MGA: variants seen among roughly 807,000 people sequenced by gnomAD.
MGA encodes the protein MAX dimerization protein MGA.
A neutral mutation model predicts 261.1 loss-of-function variants in MGA; 40 were observed. The ratio of observed to expected loss-of-function variants is 0.15; its 90% CI spans 0.12 to 0.20. MGA has a LOEUF of 0.20. Ranked by LOEUF, MGA falls within the 10% of genes least tolerant of loss-of-function variation. The pLI is 1.00. For synonymous variants in MGA, 1,302 were observed against 1,290.6 expected, an observed-to-expected ratio of 1.01 and a Z score of -0.19; for missense variants, 3,397 against 3,630.5, an observed-to-expected ratio of 0.94 and a Z score of 1.65.
upstream of MGA, among the ~76,000 whole-genome samples, chr15:41,657,242 G>C (rs1210880754): frequency 6.6e-6 from 1 of 151,084 alleles, no homozygotes; most frequent in Non-Finnish European, 1.5e-5. Context: ...CTTGATTTCA[G>C]TTGTAGTACT....
Position 41,694,676 on chromosome 15 carries a change from G to A in MGA, c.1065-1399G>A, listed in dbSNP as rs369116791. On this transcript the variant is annotated intron_variant, in intron 2 of 23. Coordinates refer to ENST00000219905, the MANE Select transcript of MGA (RefSeq NM_001164273.2). ...CGAGTAGCTGGGACTACAGGCGCCC[G>A]CCACCACGCCCAGCTGATTTTTTGT... Among the ~76,000 whole-genome samples, 91 of 151,968 alleles carry A rather than the reference G, an allele frequency of 6.0e-4. 2 individuals carry two copies. The highest frequency in any genetic ancestry group is 2.1e-3 in the African/African-American group (86 of 41,452).
rs2062200306 is a variant in MGA, at chr15:41,742,952, T to G, written c.4992T>G (p.Thr1664=). ...CCACTGTGAACCTTACCAAAACCAC[T>G]GGGATAACTACCCCTGTGGCTTCAG... Residue 1664 remains threonine (T), a synonymous_variant, in exon 15 of 24, where the codon ACT becomes ACG. Coordinates refer to ENST00000219905, the MANE Select transcript of MGA (RefSeq NM_001164273.2). 6.2e-7 allele frequency: 1 copy of G among 1,613,882 alleles called. No homozygotes were observed. The highest frequency in any genetic ancestry group is 1.3e-5 in the African/African-American group (1 of 74,924).
At chr15:41,661,920 C>A (rs1203646378) in intron 1 of MGA, among the ~76,000 whole-genome samples, 1 of 152,052 alleles carries the variant, frequency 6.6e-6, no homozygotes. Flanking sequence ...GCCGGCGGCA[C>A]GTGATCTGTC....
chr15:41,644,404 C>A (rs893933515), intron 1 of MGA, among the ~76,000 whole-genome samples: 1 of 150,928 alleles, frequency 6.6e-6, no homozygotes, highest in Admixed American at 6.6e-5. Context: ...ATCTGTAATC[C>A]CAGCACTTAG....
At chr15:41,701,774 A>T (rs953712456) in intron 5 of MGA, among the ~76,000 whole-genome samples, 1 of 152,214 alleles carries the variant, frequency 6.6e-6, no homozygotes, top group African/African-American at 2.4e-5. Context: ...ACAGCCAAAC[A>T]AAAGGTGTCT....
chr15:41,701,018 A>G (rs2059823156), intron 5 of MGA, among the ~76,000 whole-genome samples: 1 of 152,258 alleles, frequency 6.6e-6, no homozygotes. Flanking sequence ...AAAAGTGTGC[A>G]GATCCCAGTC....
intron 14 of MGA, among the ~76,000 whole-genome samples, chr15:41,741,980 G>T (rs1269278569): frequency 6.6e-6 from 1 of 151,828 alleles, no homozygotes; most frequent in Non-Finnish European, 1.5e-5. Flanking sequence ...AAAGTGCTGG[G>T]ATTACAGGTG....
chr15:41,749,116 G>T lies in MGA; in HGVS notation c.5509G>T (p.Val1837Leu). 6.2e-7 allele frequency: 1 copy of T among 1,609,518 alleles called. No individual in the cohort carries two copies. The highest frequency in any genetic ancestry group is 8.5e-7 in the Non-Finnish European group (1 of 1,176,854). Residue 1837 changes from valine to leucine, a missense_variant, in exon 17 of 24, where the codon GTG becomes TTG. By Grantham distance (32) the Val-to-Leu change is conservative (BLOSUM62 1). Around this residue, in one of 9 missense-constraint regions of MGA, gnomAD observed 1,410 missense variants for 1,386.4 expected, o/e 1.02. Coordinates refer to ENST00000219905, the MANE Select transcript of MGA (RefSeq NM_001164273.2). Reference sequence around the variant, plus strand: ...TCTCTTATTTTTTAAACCAGGGTCTGTGATGGGAATCCGGTTACCTGCTCC... The same window carrying T: ...TCTCTTATTTTTTAAACCAGGGTCTTTGATGGGAATCCGGTTACCTGCTCC...
chr15:41,648,901 G>C (rs1309483688), intron 1 of MGA, among the ~76,000 whole-genome samples: 1 of 152,148 alleles, frequency 6.6e-6, no homozygotes, highest in Non-Finnish European at 1.5e-5. Flanking sequence ...GAGAGAGCCA[G>C]AATGAGTGCC....
intron 2 of MGA, among the ~76,000 whole-genome samples, chr15:41,691,171 A>G (rs1343864782): frequency 6.6e-6 from 1 of 151,862 alleles, no homozygotes; most frequent in East Asian, 1.9e-4. Flanking sequence ...TTGTCCATAA[A>G]CGTGGGATAT....
chr15:41,687,457 A>G (rs943118783), intron 2 of MGA, among the ~76,000 whole-genome samples: 4 of 152,168 alleles, frequency 2.6e-5, no homozygotes, highest in African/African-American at 9.7e-5. Flanking sequence ...GAGTAGTTGC[A>G]GTAGAGACTG....
At chr15:41,715,699 CT>C (rs2060597978) in intron 9 of MGA, among the ~76,000 whole-genome samples, 1 of 152,072 alleles carries the variant, frequency 6.6e-6, no homozygotes, top group Non-Finnish European at 1.5e-5. Flanking sequence ...TCTTTCTGGC[CT>C]CTCCTGTTTT....
chr15:41,731,794 A>C (rs2061520590), intron 11 of MGA, among the ~76,000 whole-genome samples: 1 of 152,226 alleles, frequency 6.6e-6, no homozygotes, highest in African/African-American at 2.4e-5. Context: ...AATTTTAAGA[A>C]ATGGGATTAG....
At position 41,696,246 on chromosome 15, in the gene MGA, T is replaced by C. The variant is rs755658046; in HGVS notation, c.1236T>C (p.Asp412=). Residue 412 remains aspartate, a synonymous_variant, in exon 3 of 24, where the codon GAT becomes GAC. Coordinates refer to ENST00000219905, the MANE Select transcript of MGA (RefSeq NM_001164273.2). ...AGGAAGAGACAGATGAAGAGACGGA[T>C]GTATACTCAAACAGTGATGATGATC... The C allele has an allele frequency of 5.6e-6, 9 of 1,613,848 alleles. No homozygotes were observed. The highest frequency in any genetic ancestry group is 1.6e-4 in the Middle Eastern group (1 of 6,084).
rs758100079 is a variant in MGA at position 41,696,948 on chromosome 15, T to G, written c.1938T>G (p.Pro646=). Residue 646 remains proline, a synonymous_variant, in exon 3 of 24, where the codon CCT becomes CCG. Transcript: ENST00000219905. ...CTACAAAGAATACACCTGTAAGCCC[T>G]GGGAGTACCTTTCCAGATGTGAAGC... The G allele has an allele frequency of 2.4e-5, 38 of 1,603,902 alleles. No homozygotes were observed. In the Middle Eastern group the frequency reaches 5.0e-4, roughly 21 times the overall value.
upstream of MGA, among the ~76,000 whole-genome samples, chr15:41,658,457 TAAAAAA>T (rs368554766): frequency 2.2e-4 from 33 of 152,022 alleles, 1 homozygote; most frequent in African/African-American, 7.7e-4. Context: ...AAACAAAAAA[TAAAAAA>T]GAAAAACAAG....
At chr15:41,681,719 G>C (rs889870912) in intron 2 of MGA, among the ~76,000 whole-genome samples, 2 of 151,978 alleles carry the variant, frequency 1.3e-5, no homozygotes, top group Non-Finnish European at 1.5e-5. Context: ...CAAAGTGCTG[G>C]GATTACAGGT....
At position 41,762,265 on chromosome 15, in the gene MGA, A is replaced by G. The variant is rs2063500628; in HGVS notation, c.7647A>G (p.Glu2549=). The G allele has an allele frequency of 1.2e-6, 2 of 1,613,906 alleles. No individual in the cohort carries two copies. Among genetic ancestry groups the G allele is most frequent in the East Asian group, 2.2e-5 (1 of 44,868 alleles). The change falls in exon 22 of 24, where the codon GAA becomes GAG. Residue 2549 remains glutamate, a synonymous_variant. Transcript: ENST00000219905. Reference sequence around the variant, plus strand: ...CTCCCAGAATTAGCAAACAGCAGGAAGGATCTTCTGCATCATCTGTAGATC... The same window carrying G: ...CTCCCAGAATTAGCAAACAGCAGGAGGGATCTTCTGCATCATCTGTAGATC...
chr15:41,700,807 T>G (rs1183015481), intron 5 of MGA, among the ~76,000 whole-genome samples: 1 of 152,178 alleles, frequency 6.6e-6, no homozygotes, highest in East Asian at 1.9e-4. Flanking sequence ...TTGGAGTAGT[T>G]TTTTGAATTT....
Sources: allele counts gnomAD v4.1 joint callset (sites outside exome capture counted in the v4.1 genomes callset), GRCh38; gene constraint gnomAD v4.1.1; regional missense constraint gnomAD v4.1.1; transcripts MANE v1.5; gene names NCBI Gene and HGNC (gene_info 2026-07-23, HGNC 2026-07-21).